The following GRIK4 variants were observed in gnomAD, a reference collection of about 807,000 sequenced individuals.
The protein encoded by GRIK4 is glutamate receptor ionotropic, kainate 4.
In GRIK4, 40 loss-of-function variants were observed where a neutral mutation model predicts 104.9. That is an observed-to-expected ratio of 0.38 (90% CI 0.30 to 0.50). GRIK4 has a LOEUF of 0.50. Ranked by LOEUF, GRIK4 falls within the 20% of genes least tolerant of loss-of-function variation. The probability of loss-of-function intolerance (pLI) is 0.93; values close to 1 mark genes in which losing one functional copy is unlikely to be tolerated. For missense variants in GRIK4, 1,047 were observed against 1,308.1 expected (o/e 0.80, Z 3.08); for synonymous variants, 485 against 524.9 (o/e 0.92, Z 1.04).
At chr11:120,673,289 T>A (rs987863908) in intron 3 of GRIK4, among the ~76,000 whole-genome samples, 1 of 152,206 alleles carries the variant, frequency 6.6e-6, no homozygotes, top group Non-Finnish European at 1.5e-5. Context: ...GAATGAATGA[T>A]GGAGACCCAA....
chr11:120,917,619 T>G (rs1352723539), intron 13 of GRIK4, among the ~76,000 whole-genome samples: 1 of 152,144 alleles, frequency 6.6e-6, no homozygotes, highest in Non-Finnish European at 1.5e-5. Flanking sequence ...CCAGAGACAG[T>G]CAGCCACAGA....
At chr11:120,556,053 C>T (rs1249153064) in intron 1 of GRIK4, among the ~76,000 whole-genome samples, 3 of 152,206 alleles carry the variant, frequency 2.0e-5, no homozygotes, top group South Asian at 2.1e-4. Context: ...GCACACAGAG[C>T]GCCGTCTAAT....
At chr11:120,560,396 G>A (rs902743728) in intron 1 of GRIK4, among the ~76,000 whole-genome samples, 1 of 152,064 alleles carries the variant, frequency 6.6e-6, no homozygotes, top group Non-Finnish European at 1.5e-5. Flanking sequence ...ACCTAGCCCC[G>A]CATTTGTTAT....
At chr11:120,981,797 C>T (rs1015056732) in intron 19 of GRIK4, among the ~76,000 whole-genome samples, 4 of 152,206 alleles carry the variant, frequency 2.6e-5, no homozygotes, top group Non-Finnish European at 4.4e-5. Flanking sequence ...AGAGTTTGCC[C>T]GAGCCCTTTT....
chr11:120,520,477 A>G (rs1178855388), intron 1 of GRIK4, among the ~76,000 whole-genome samples: 1 of 148,564 alleles, frequency 6.7e-6, no homozygotes, highest in African/African-American at 2.4e-5. Flanking sequence ...CATCCAGGGA[A>G]GGGCCCGGTG....
chr11:120,711,711 A>G (rs1352416582), intron 3 of GRIK4, among the ~76,000 whole-genome samples: 1 of 152,248 alleles, frequency 6.6e-6, no homozygotes, highest in Admixed American at 6.5e-5. Flanking sequence ...CCATTGCAGG[A>G]TGATCCAATA....
intron 13 of GRIK4, among the ~76,000 whole-genome samples, chr11:120,911,843 C>CAAAAA (rs200523419): frequency 7.9e-6 from 1 of 125,826 alleles, no homozygotes; most frequent in Non-Finnish European, 1.7e-5. Context: ...GACTCCATCT[C>CAAAAA]AAAAAAAAAA....
intron 1 of GRIK4, among the ~76,000 whole-genome samples, chr11:120,553,848 C>T (rs1190510435): frequency 6.6e-6 from 1 of 152,116 alleles, no homozygotes; most frequent in Non-Finnish European, 1.5e-5. Flanking sequence ...GTAGAGTGTG[C>T]CCTCTCAATG....
At chr11:120,777,787 A>C (rs1952072318) in intron 3 of GRIK4, among the ~76,000 whole-genome samples, 1 of 152,126 alleles carries the variant, frequency 6.6e-6, no homozygotes, top group Admixed American at 6.5e-5. Flanking sequence ...AAATACAAAA[A>C]GGAGCCGGGC....
intron 14 of GRIK4, among the ~76,000 whole-genome samples, chr11:120,943,148 ACACC>A (rs1215788115): frequency 2.5e-4 from 30 of 120,622 alleles, no homozygotes; most frequent in African/African-American, 9.4e-4. Flanking sequence ...ACACACACAC[ACACC>A]CCCCTGACTG....
At chr11:120,882,140 C>T (rs532283094) in intron 11 of GRIK4, among the ~76,000 whole-genome samples, 56 of 152,220 alleles carry the variant, frequency 3.7e-4, no homozygotes, top group African/African-American at 1.2e-3. Context: ...GCATCTGTGC[C>T]CTTGACCCCA....
chr11:120,957,461 C>CT (rs1474531613), intron 16 of GRIK4, among the ~76,000 whole-genome samples: 2 of 152,216 alleles, frequency 1.3e-5, no homozygotes. Context: ...AAACGCAACT[C>CT]TTGTCGTTCA....
At chr11:120,586,757 C>T (rs1219285125) in intron 1 of GRIK4, among the ~76,000 whole-genome samples, 1 of 152,142 alleles carries the variant, frequency 6.6e-6, no homozygotes, top group Non-Finnish European at 1.5e-5. Flanking sequence ...TATGTTTGTC[C>T]CTAGGGATCC....
intron 19 of GRIK4, among the ~76,000 whole-genome samples, chr11:120,979,946 T>C (rs764396034): frequency 2.0e-5 from 3 of 149,264 alleles, no homozygotes; most frequent in African/African-American, 4.9e-5. Context: ...GTGATTCTCC[T>C]ATCTCAGCCT....
At chr11:120,808,604 T>C (rs113768499) in intron 4 of GRIK4, among the ~76,000 whole-genome samples, 132 of 152,316 alleles carry the variant, frequency 8.7e-4, no homozygotes, top group African/African-American at 3.0e-3. Context: ...ACTTTCTTCC[T>C]TGGCTCAAGA....
intron 3 of GRIK4, among the ~76,000 whole-genome samples, chr11:120,726,836 G>A (rs1237156595): frequency 6.6e-6 from 1 of 152,084 alleles, no homozygotes; most frequent in Non-Finnish European, 1.5e-5. Flanking sequence ...ATGGTTTGTG[G>A]ATCTTCCCAA....
intron 14 of GRIK4, among the ~76,000 whole-genome samples, chr11:120,948,363 A>G (rs781037645): frequency 6.6e-6 from 1 of 152,212 alleles, no homozygotes; most frequent in Non-Finnish European, 1.5e-5. Flanking sequence ...GAGAGCTCGT[A>G]TCATGCATTT....
intron 1 of GRIK4, among the ~76,000 whole-genome samples, chr11:120,540,338 C>T (rs1389847576): frequency 1.3e-5 from 2 of 152,074 alleles, no homozygotes; most frequent in African/African-American, 4.8e-5. Context: ...ACTTGGGGCT[C>T]GGCTGGGCGT....
intron 13 of GRIK4, among the ~76,000 whole-genome samples, chr11:120,920,221 C>T (rs1943197302): frequency 1.3e-5 from 2 of 152,196 alleles, no homozygotes; most frequent in South Asian, 4.1e-4. Context: ...CCCTGGATTA[C>T]TATGAGAAAT....
Sources: allele counts gnomAD v4.1 joint callset (sites outside exome capture counted in the v4.1 genomes callset), GRCh38; gene constraint gnomAD v4.1.1; transcripts MANE v1.5; gene names NCBI Gene and HGNC (gene_info 2026-07-23, HGNC 2026-07-21).